Variants in SEMA3E observed in about 807,000 individuals in gnomAD.
SEMA3E encodes the protein semaphorin 3E.
SEMA3E carries 49 observed loss-of-function variants against 93.6 expected under a neutral mutation model. The ratio of observed to expected loss-of-function variants is 0.52; its 90% CI spans 0.42 to 0.66. The LOEUF (loss-of-function observed/expected upper bound fraction) is 0.66. SEMA3E is among the 30% of genes least tolerant of loss of function. SEMA3E has a pLI of 0.00. For missense variants in SEMA3E, 906 were observed against 964.8 expected, an observed-to-expected ratio of 0.94 and a Z score of 0.81; for synonymous variants, 363 against 330.7, an observed-to-expected ratio of 1.10 and a Z score of -1.06.
chr7:83,424,472 G>A (rs186640209), intron 4 of SEMA3E, among the ~76,000 whole-genome samples: 4 of 151,832 alleles, frequency 2.6e-5, no homozygotes, highest in East Asian at 1.9e-4. Context: ...CTACATCTCC[G>A]GCCTACTCAC....
At chr7:83,583,899 G>C (rs1160435818) in intron 1 of SEMA3E, among the ~76,000 whole-genome samples, 4 of 152,134 alleles carry the variant, frequency 2.6e-5, no homozygotes, top group African/African-American at 9.7e-5. Context: ...TGAGGAGTGA[G>C]CTTAGGATAG....
chr7:83,558,917 G>T, intron 1 of SEMA3E, among the ~76,000 whole-genome samples: 1 of 151,946 alleles, frequency 6.6e-6, no homozygotes, highest in East Asian at 1.9e-4. Context: ...TCCCTAAATG[G>T]CTAACTCTAG....
chr7:83,567,040 CAT>C (rs1792176843), intron 1 of SEMA3E, among the ~76,000 whole-genome samples: 1 of 152,034 alleles, frequency 6.6e-6, no homozygotes, highest in African/African-American at 2.4e-5. Context: ...TCCAGATACA[CAT>C]AGACAAAAAG....
intron 4 of SEMA3E, among the ~76,000 whole-genome samples, chr7:83,418,688 C>T (rs1281219885): frequency 6.6e-6 from 1 of 152,098 alleles, no homozygotes; most frequent in Non-Finnish European, 1.5e-5. Context: ...TCTCACTCCT[C>T]TGAAAAAGTA....
intron 1 of SEMA3E, among the ~76,000 whole-genome samples, chr7:83,535,545 C>T (rs1650619537): frequency 1.3e-5 from 2 of 151,940 alleles, no homozygotes. Flanking sequence ...TTCACACTTG[C>T]CTCAAAGACA....
chr7:83,471,427 T>C lies in SEMA3E; in HGVS notation c.277-2125A>G, dbSNP rs561711425. Among the ~76,000 whole-genome samples, 5 of 151,908 alleles carry C rather than the reference T, an allele frequency of 3.3e-5. No homozygotes were observed. In the East Asian group the frequency reaches 7.8e-4, roughly 24 times the overall value. On this transcript the variant is annotated intron_variant, in intron 2 of 16. Coordinates refer to ENST00000643230, the MANE Select transcript of SEMA3E (RefSeq NM_012431.3). ...ACAGCTTTGAGTTTCTTCGTGCTGA[T>C]AGGAGGAAAGGCTGAATTACCTTGT...
intron 3 of SEMA3E, among the ~76,000 whole-genome samples, chr7:83,468,740 C>T (rs1285812275): frequency 2.0e-5 from 3 of 152,018 alleles, no homozygotes; most frequent in Admixed American, 1.3e-4. Context: ...GCCACTCACA[C>T]CCAGCAGGGA....
At chr7:83,406,141 G>A in intron 7 of SEMA3E, 82 bp from the exon 8 acceptor site, 2 of 1,009,964 alleles carry the variant, frequency 2.0e-6, no homozygotes, top group Non-Finnish European at 3.2e-6. Context: ...ACATGCAGTT[G>A]CCAAGAGTTA....
chr7:83,508,944 C>G (rs1790758008), intron 1 of SEMA3E, among the ~76,000 whole-genome samples: 1 of 152,090 alleles, frequency 6.6e-6, no homozygotes, highest in African/African-American at 2.4e-5. Context: ...ACATTATAAA[C>G]AGAAGCTTAA....
intron 1 of SEMA3E, among the ~76,000 whole-genome samples, chr7:83,526,538 G>T (rs1326921434): frequency 6.6e-6 from 1 of 152,070 alleles, no homozygotes. Flanking sequence ...ATAGGTGCTT[G>T]GCACTTTCAA....
At chr7:83,403,783 A>G (rs1353538762) in intron 9 of SEMA3E, among the ~76,000 whole-genome samples, 2 of 151,952 alleles carry the variant, frequency 1.3e-5, no homozygotes, top group African/African-American at 4.8e-5. Context: ...GCAATTGGAA[A>G]TGCCTGGGAT....
intron 5 of SEMA3E, among the ~76,000 whole-genome samples, chr7:83,414,371 C>A (rs1166595326): frequency 6.6e-6 from 1 of 151,788 alleles, no homozygotes; most frequent in Non-Finnish European, 1.5e-5. Flanking sequence ...TTATTAACAA[C>A]TTGAAACAAT....
intron 1 of SEMA3E, among the ~76,000 whole-genome samples, chr7:83,500,414 C>G (rs182991683): frequency 6.6e-6 from 1 of 151,640 alleles, no homozygotes; most frequent in Non-Finnish European, 1.5e-5. Context: ...GCAGCCTGGG[C>G]GACAGAGCGA....
intron 1 of SEMA3E, among the ~76,000 whole-genome samples, chr7:83,492,411 T>G (rs1768352048): frequency 6.6e-6 from 1 of 152,036 alleles, no homozygotes; most frequent in African/African-American, 2.4e-5. Flanking sequence ...TTTTATGACT[T>G]ACCAATTTGC....
rs371468210 is a variant in SEMA3E at position 83,394,287 on chromosome 7, C to G, written c.1500+10G>C. The G allele has an allele frequency of 1.3e-6, 2 of 1,581,996 alleles. No homozygotes were observed. Among genetic ancestry groups the G allele is most frequent in the Non-Finnish European group, 1.7e-6 (2 of 1,159,864 alleles). On this transcript the variant is annotated intron_variant, in intron 13 of 16. Coordinates refer to ENST00000643230, the MANE Select transcript of SEMA3E (RefSeq NM_012431.3). Reference sequence around the variant, plus strand: ...ACACACACCTACACACACACACACACAGAACTTACCCGCTTTGAAGAAATC... The same window carrying G: ...ACACACACCTACACACACACACACAGAGAACTTACCCGCTTTGAAGAAATC...
intron 11 of SEMA3E, among the ~76,000 whole-genome samples, chr7:83,399,313 T>A (rs563153756): frequency 1.3e-5 from 2 of 152,186 alleles, no homozygotes; most frequent in Admixed American, 6.5e-5. Context: ...ACAAGTTAGA[T>A]CTAATGTATG....
chr7:83,601,406 G>A (rs1343017684), intron 1 of SEMA3E, among the ~76,000 whole-genome samples: 1 of 150,604 alleles, frequency 6.6e-6, no homozygotes, highest in African/African-American at 2.5e-5. Flanking sequence ...TTTATTTGCT[G>A]GGTGAACTTG....
intron 1 of SEMA3E, among the ~76,000 whole-genome samples, chr7:83,565,670 T>A (rs1162905293): frequency 6.6e-6 from 1 of 152,292 alleles, no homozygotes; most frequent in Non-Finnish European, 1.5e-5. Context: ...ACTTAAAAAT[T>A]GTTTTTTAGA....
intron 1 of SEMA3E, among the ~76,000 whole-genome samples, chr7:83,522,187 G>T (rs549067459): frequency 5.3e-5 from 8 of 152,096 alleles, no homozygotes; most frequent in South Asian, 2.1e-4. Context: ...TTATACAAAG[G>T]TACTCTATCT....
Sources: allele counts gnomAD v4.1 joint callset (sites outside exome capture counted in the v4.1 genomes callset), GRCh38; gene constraint gnomAD v4.1.1; transcripts MANE v1.5; gene names NCBI Gene and HGNC (gene_info 2026-07-23, HGNC 2026-07-21).